CTDNEP1: variants seen among roughly 807,000 people sequenced by gnomAD.
CTDNEP1 encodes CTD nuclear envelope phosphatase 1.
A neutral mutation model predicts 30.1 loss-of-function variants in CTDNEP1; 3 were observed. The ratio of observed to expected loss-of-function variants is 0.10; its 90% CI spans 0.05 to 0.26. The LOEUF (loss-of-function observed/expected upper bound fraction) is 0.26, where lower values mean the gene tolerates loss of function less well. Ranked by LOEUF, CTDNEP1 falls within the 10% of genes least tolerant of loss-of-function variation. The pLI, the probability that CTDNEP1 is intolerant of heterozygous loss-of-function variation, is 1.00. For missense variants in CTDNEP1, 158 were observed against 310.4 expected (o/e 0.51, Z 3.69); for synonymous variants, 123 against 118.8 (o/e 1.04, Z -0.23).
intron 6 of CTDNEP1, 180 bp from the exon 7 acceptor site, chr17:7,244,815 TCATAC>T: frequency 1.8e-6 from 1 of 563,244 alleles, no homozygotes; most frequent in Non-Finnish European, 3.1e-6. Context: ...TCACCAGATC[TCATAC>T]CTATTGATGC....
chr17:7,245,280 A>C (rs1284370625), intron 6 of CTDNEP1, among the ~76,000 whole-genome samples: 1 of 151,166 alleles, frequency 6.6e-6, no homozygotes, highest in Non-Finnish European at 1.5e-5. Context: ...TGACAGTGCG[A>C]GACTCTGTCT....
intron 1 of CTDNEP1, among the ~76,000 whole-genome samples, chr17:7,249,238 C>T (rs1178935882): frequency 1.3e-5 from 2 of 152,214 alleles, no homozygotes; most frequent in African/African-American, 2.4e-5. Context: ...TACAAACCCT[C>T]TTCAGTGCAT....
chr17:7,251,898 T>C (rs1246490477), upstream of CTDNEP1: 1 of 155,230 alleles, frequency 6.4e-6, no homozygotes, highest in African/African-American at 2.4e-5. Flanking sequence ...GGGGGTCCTT[T>C]AGCCGCTGGG....
rs748228830 is a variant in CTDNEP1, at chr17:7,246,156, T to G, written c.478-19A>C. 1.2e-6 allele frequency: 2 copies of G among 1,602,542 alleles called. No individual in the cohort carries two copies. The highest frequency in any genetic ancestry group is 1.7e-6 in the Non-Finnish European group (2 of 1,169,526). On this transcript the variant is annotated intron_variant, in intron 5 of 7. Transcript: ENST00000574322. The surrounding 1 kb of genome is among the most constrained non-coding windows in gnomAD (Gnocchi z 4.9). ...TGCAGTGCTGGAAGGCAGGGGATCA[T>G]GTAGCAGGCCTCTCTCCAGGATACT...
chr17:7,244,952 G>GT (rs1176502582), intron 6 of CTDNEP1: 1 of 257,296 alleles, frequency 3.9e-6, no homozygotes, highest in Non-Finnish European at 7.5e-6. Context: ...GAGCTCAGGA[G>GT]TTTGAGTCCA....
chr17:7,249,722 C>A (rs2071887683), intron 1 of CTDNEP1, among the ~76,000 whole-genome samples: 2 of 152,144 alleles, frequency 1.3e-5, no homozygotes, highest in Admixed American at 6.5e-5. Context: ...ACCATCCTGG[C>A]CAACATGGTG....
upstream of CTDNEP1, chr17:7,251,794 C>G (rs965478858): frequency 7.3e-6 from 1 of 137,106 alleles, no homozygotes; most frequent in Non-Finnish European, 1.5e-5. Flanking sequence ...CAGCGGAGAA[C>G]GGGCCTGCAG....
chr17:7,245,489 TTTTA>T (rs894619764), intron 6 of CTDNEP1, among the ~76,000 whole-genome samples: 20 of 151,376 alleles, frequency 1.3e-4, no homozygotes, highest in Non-Finnish European at 2.1e-4. Flanking sequence ...TAAATTTTAT[TTTTA>T]TTTATTTATT....
chr17:7,244,970 C>A, intron 6 of CTDNEP1: 2 of 229,490 alleles, frequency 8.7e-6, no homozygotes. Context: ...CCAGCCTGGG[C>A]AACATAATGA....
In CTDNEP1 at chr17:7,244,521, A is replaced by G. The variant is rs763500017; in HGVS notation, c.674+30T>C. On this transcript the variant is annotated intron_variant, in intron 7 of 7. Coordinates refer to ENST00000574322, the MANE Select transcript of CTDNEP1 (RefSeq NM_001143775.2). ...CCCCCACCTCCTCCTTTCTTGAGAT[A>G]TCCAAGTGTCCAGAGCCCACTTCCC... is the stretch of plus-strand genomic sequence containing the variant. The G allele has an allele frequency of 5.1e-6, 8 of 1,576,036 alleles. No individual in the cohort carries two copies. The South Asian group carries it at 8.9e-5, about 17-fold the overall frequency.
rs551507969 is a variant in CTDNEP1, at chr17:7,243,966, G to C, written c.*219C>G. 5.8e-6 allele frequency: 8 copies of C among 1,381,866 alleles called. No individual in the cohort carries two copies. In the East Asian group the frequency reaches 1.6e-4, roughly 28 times the overall value. The allele number at this position is 1,381,866 out of a possible 1,614,324, so 85.6% of individuals were successfully genotyped here. ...TGTGTCCCAGTCTGGGGTTTCCATG[G>C]AGTGTGAACACGAAGTTAAGAGTGA... On this transcript the variant is annotated 3_prime_UTR_variant, in exon 8 of 8. Transcript: ENST00000574322.
chr17:7,248,058 G>A (rs566923798), intron 1 of CTDNEP1, among the ~76,000 whole-genome samples: 1 of 150,966 alleles, frequency 6.6e-6, no homozygotes, highest in African/African-American at 2.4e-5. Context: ...GTCAAGAGAC[G>A]GAGACCATCC....
intron 6 of CTDNEP1, 87 bp from the exon 7 acceptor site, chr17:7,244,722 G>A (rs2142998249): frequency 1.9e-6 from 2 of 1,042,314 alleles, no homozygotes; most frequent in Non-Finnish European, 2.7e-6. Flanking sequence ...AGGAATTATT[G>A]TTAAAAATAT....
intron 1 of CTDNEP1, among the ~76,000 whole-genome samples, 165 bp from the exon 2 acceptor site, chr17:7,247,508 GC>G (rs1394358904): frequency 7.2e-6 from 1 of 138,540 alleles, no homozygotes; most frequent in African/African-American, 2.7e-5. Context: ...TCGCTCTGTT[GC>G]CCAGGCTGGA....
rs974959506 is a variant in CTDNEP1, at chr17:7,244,214, G to C, written c.706C>G (p.Arg236Gly). 1.2e-6 allele frequency: 2 copies of C among 1,613,938 alleles called. No individual in the cohort carries two copies. Among genetic ancestry groups the C allele is most frequent in the African/African-American group, 2.7e-5 (2 of 74,938 alleles). Residue 236 changes from arginine to glycine, a missense_variant, in exon 8 of 8, where the codon CGA (arginine) becomes GGA (glycine). Transcript: ENST00000574322. ...CAGAGCCGATGTTGGTGAAGGTTTC[G>C]GCTCAGCACGGAACGAACATCAGCG... is the stretch of plus-strand genomic sequence containing the variant. ...FTADVRSVLS[R>G]NLHQHRLW
chr17:7,249,855 G>A lies in CTDNEP1; in HGVS notation c.102+1340C>T, dbSNP rs374894906. On this transcript the variant is annotated intron_variant, in intron 1 of 7. Transcript: ENST00000574322. Reference sequence around the variant, plus strand: ...GAACCCAGGAAGTGGAGGTTGCAGTGAGCGGAGATGGCACCACTGCACTCC... The same window carrying A: ...GAACCCAGGAAGTGGAGGTTGCAGTAAGCGGAGATGGCACCACTGCACTCC... 8.5e-5 allele frequency among the ~76,000 whole-genome samples: 13 copies of A among 152,280 alleles called. No individual in the cohort carries two copies. In the East Asian group the frequency reaches 2.1e-3, roughly 25 times the overall value.
chr17:7,251,076 G>A (rs1482414509), intron 1 of CTDNEP1, 119 bp downstream of exon 1: 3 of 649,958 alleles, frequency 4.6e-6, no homozygotes, highest in Non-Finnish European at 7.5e-6. Context: ...GCCCCAGCCA[G>A]GATTCCCTTC....
chr17:7,249,924 A>T (rs1423370987), intron 1 of CTDNEP1, among the ~76,000 whole-genome samples: 1 of 151,332 alleles, frequency 6.6e-6, no homozygotes, highest in African/African-American at 2.4e-5. Flanking sequence ...AGAAAAGAAA[A>T]CCCCAGGAGA....
chr17:7,244,460 A>G, intron 7 of CTDNEP1, 91 bp downstream of exon 7: 2 of 1,348,416 alleles, frequency 1.5e-6, no homozygotes, highest in Non-Finnish European at 2.1e-6. Context: ...GAACAGAGTT[A>G]AAACAGGACA....
Sources: gnomAD v4.1 joint callset for allele counts (sites outside exome capture counted in the v4.1 genomes callset) on GRCh38, gnomAD v4.1.1 for gene constraint, Gnocchi (gnomAD v3.1) non-coding constraint, MANE v1.5 for transcripts, NCBI Gene and HGNC (gene_info 2026-07-23, HGNC 2026-07-21) for gene names.